PKD2L2: variants seen among roughly 807,000 people sequenced by gnomAD.
The protein encoded by PKD2L2 is polycystin 2 like 2, transient receptor potential cation channel, also known as polycystin-2-like protein 2.
A neutral mutation model predicts 83.9 loss-of-function variants in PKD2L2; 67 were observed. That is an observed-to-expected ratio of 0.80 (90% CI 0.66 to 0.98). The LOEUF is 0.98. Among genes scored for constraint, PKD2L2 ranks in the 50% least tolerant of loss-of-function variants. The pLI, the probability that PKD2L2 is intolerant of heterozygous loss-of-function variation, is 0.00. For missense variants in PKD2L2, 632 were observed against 717.2 expected (o/e 0.88, Z 1.36); for synonymous variants, 223 against 237.8 (o/e 0.94, Z 0.57).
At position 137,899,564 on chromosome 5, in the gene PKD2L2, T is replaced by A; in HGVS notation, c.573T>A (p.Phe191Leu). Residue 191 changes from phenylalanine (F) to leucine (L), a missense_variant, in exon 5 of 15, where the codon TTT becomes TTA. Phe to Leu is a conservative substitution (Grantham distance 22, BLOSUM62 0). This residue lies in a region of PKD2L2 where 229 missense variants were observed against 281.5 expected (regional missense o/e 0.81). Coordinates refer to ENST00000508883, the MANE Select transcript of PKD2L2 (RefSeq NM_001300921.2). ...SNTNSPWHWG[F>L]LGVYRNGGYI... ...CCAACTCCCCTTGGCACTGGGGATT[T>A]CTTGGTGTTTACCGAAATGGGGGAT... 6.2e-7 allele frequency: 1 copy of A among 1,613,796 alleles called. No homozygotes were observed. Among genetic ancestry groups the A allele is most frequent in the Non-Finnish European group, 8.5e-7 (1 of 1,179,670 alleles).
intron 7 of PKD2L2, among the ~76,000 whole-genome samples, chr5:137,908,339 G>T (rs1463358239): frequency 6.6e-6 from 1 of 152,036 alleles, no homozygotes; most frequent in African/African-American, 2.4e-5. Context: ...TGTAATCCCA[G>T]CATTTTGGGA....
At chr5:137,909,134 G>T (rs551365115) in intron 8 of PKD2L2, among the ~76,000 whole-genome samples, 188 bp downstream of exon 8, 1 of 152,078 alleles carries the variant, frequency 6.6e-6, no homozygotes, top group African/African-American at 2.4e-5. Context: ...CAAACTTCTG[G>T]ACTCAAGCTA....
At chr5:137,911,338 T>C (rs927071684) in intron 8 of PKD2L2, among the ~76,000 whole-genome samples, 5 of 152,220 alleles carry the variant, frequency 3.3e-5, no homozygotes, top group Admixed American at 2.6e-4. Flanking sequence ...TTCCATTATA[T>C]GTATATTCCA....
chr5:137,938,569 G>C (rs1760795567), intron 14 of PKD2L2: 1 of 152,428 alleles, frequency 6.6e-6, no homozygotes, highest in South Asian at 2.1e-4. Flanking sequence ...TGTATCAAAA[G>C]GAAACCACAC....
At chr5:137,926,501 G>A (rs1759389112) in intron 12 of PKD2L2, among the ~76,000 whole-genome samples, 1 of 152,130 alleles carries the variant, frequency 6.6e-6, no homozygotes, top group Non-Finnish European at 1.5e-5. Context: ...TCGGATAAAG[G>A]AATTATACAA....
At chr5:137,929,063 G>A (rs948594317) in intron 12 of PKD2L2, among the ~76,000 whole-genome samples, 1 of 152,070 alleles carries the variant, frequency 6.6e-6, no homozygotes, top group Non-Finnish European at 1.5e-5. Context: ...AATATAATTG[G>A]GTAGTAGAGG....
intron 12 of PKD2L2, 136 bp from the exon 13 acceptor site, chr5:137,935,661 A>G: frequency 1.7e-6 from 1 of 594,306 alleles, no homozygotes; most frequent in Non-Finnish European, 3.0e-6. Flanking sequence ...GGCAGGGCAA[A>G]AAGTCAGCAG....
At chr5:137,892,675 A>C in intron 3 of PKD2L2, 62 bp downstream of exon 3, 2 of 1,226,506 alleles carry the variant, frequency 1.6e-6, no homozygotes, top group Non-Finnish European at 2.3e-6. Flanking sequence ...CTTGGCATAC[A>C]CAGTGGGCAC....
chr5:137,919,514 C>CT (rs879670765), intron 8 of PKD2L2, among the ~76,000 whole-genome samples: 108,551 of 148,404 alleles, frequency 0.73, 40,131 homozygotes, highest in East Asian at 0.96. Context: ...GTTCCTTCAT[C>CT]TTTTTTTTTT....
At chr5:137,937,824 T>C (rs1369874431) in intron 14 of PKD2L2, 1 of 152,078 alleles carries the variant, frequency 6.6e-6, no homozygotes, top group African/African-American at 2.4e-5. Context: ...GCCAGCCAAA[T>C]AGTTTAGTGA....
At chr5:137,928,700 G>A (rs1759589638) in intron 12 of PKD2L2, among the ~76,000 whole-genome samples, 1 of 152,182 alleles carries the variant, frequency 6.6e-6, no homozygotes, top group African/African-American at 2.4e-5. Flanking sequence ...CCAAAGTCTT[G>A]GGATTACAGC....
intron 6 of PKD2L2, 136 bp from the exon 7 acceptor site, chr5:137,907,606 G>A (rs1481969968): frequency 2.3e-6 from 1 of 444,396 alleles, no homozygotes; most frequent in African/African-American, 2.0e-5. Flanking sequence ...TTCCATTTAT[G>A]TAAAAGCATA....
At chr5:137,898,860 C>T (rs1254574404) in intron 4 of PKD2L2, among the ~76,000 whole-genome samples, 1 of 151,894 alleles carries the variant, frequency 6.6e-6, no homozygotes, top group Non-Finnish European at 1.5e-5. Flanking sequence ...TCCTGAATAA[C>T]GAGGACTACA....
In PKD2L2 at chr5:137,909,707, G is replaced by A. The variant is rs140877435; in HGVS notation, c.1328+761G>A. The stretch of plus-strand genomic sequence containing the variant: ...GTGCCACCACATCCAGCCAATTTTT[G>A]TATTTTTTGTAGAGATAAGGTTTAG... On this transcript the variant is annotated intron_variant, in intron 8 of 14. Transcript: ENST00000508883. Among the ~76,000 whole-genome samples the A allele has an allele frequency of 2.7e-3, 407 of 151,264 alleles. 3 individuals are homozygous for A. The highest frequency in any genetic ancestry group is 4.6e-3 in the Non-Finnish European group (311 of 67,798).
In PKD2L2 at chr5:137,906,204, A is replaced by C; in HGVS notation, c.747-2A>C. ...GTTGCTTTCACAAACCTGATTTTAC[A>C]GATTGGTGGCAGAATTCCCTGCAAC... is the stretch of plus-strand genomic sequence containing the variant. On this transcript the variant is annotated splice_acceptor_variant, in intron 5 of 14. Coordinates refer to ENST00000508883, the MANE Select transcript of PKD2L2 (RefSeq NM_001300921.2). LOFTEE classifies it high-confidence loss of function. The C allele has an allele frequency of 6.3e-7, 1 of 1,577,780 alleles. No homozygotes were observed. The highest frequency in any genetic ancestry group is 8.7e-7 in the Non-Finnish European group (1 of 1,154,976).
At chr5:137,895,877 CAA>C (rs375612119) in intron 4 of PKD2L2, among the ~76,000 whole-genome samples, 22,556 of 89,930 alleles carry the variant, frequency 0.25, 1,794 homozygotes, top group Middle Eastern at 0.28. Flanking sequence ...GACACAGTCT[CAA>C]AAAAAAAAAA....
intron 12 of PKD2L2, among the ~76,000 whole-genome samples, chr5:137,930,619 C>T (rs1401598030): frequency 4.0e-5 from 6 of 149,156 alleles, no homozygotes; most frequent in East Asian, 2.0e-4. Context: ...GCCAAGATCA[C>T]GCCACTGTAC....
chr5:137,898,724 A>ATT (rs555600685), intron 4 of PKD2L2, among the ~76,000 whole-genome samples: 6 of 142,912 alleles, frequency 4.2e-5, no homozygotes, highest in African/African-American at 7.7e-5. Context: ...TAACAGATGG[A>ATT]TTTTTTTTTT....
intron 4 of PKD2L2, among the ~76,000 whole-genome samples, chr5:137,898,318 C>A (rs527416316): frequency 3.3e-5 from 5 of 152,220 alleles, no homozygotes; most frequent in African/African-American, 1.2e-4. Flanking sequence ...ATTAAAATAT[C>A]TACGTAACAA....
Sources: gnomAD v4.1 joint callset for allele counts (sites outside exome capture counted in the v4.1 genomes callset) on GRCh38, gnomAD v4.1.1 for gene constraint, gnomAD v4.1.1 regional missense constraint, MANE v1.5 for transcripts, NCBI Gene and HGNC (gene_info 2026-07-23, HGNC 2026-07-21) for gene names.